SPSB4: variants seen among roughly 807,000 people sequenced by gnomAD.
SPSB4 encodes the protein splA/ryanodine receptor domain and SOCS box containing 4.
A neutral mutation model predicts 20.9 loss-of-function variants in SPSB4; 21 were observed. The ratio of observed to expected loss-of-function variants is 1.01; its 90% confidence interval spans 0.71 to 1.45. The LOEUF (loss-of-function observed/expected upper bound fraction) is 1.45, where lower values mean the gene tolerates loss of function less well. Among genes scored for constraint, SPSB4 ranks in the 40% most tolerant of loss-of-function variants. The pLI, the probability that SPSB4 is intolerant of heterozygous loss-of-function variation, is 0.00. For synonymous variants in SPSB4, 207 were observed against 183.8 expected, an observed-to-expected ratio of 1.13 and a Z score of -1.02; for missense variants, 399 against 399.2, an observed-to-expected ratio of 1.00 and a Z score of 0.00.
intron 2 of SPSB4, among the ~76,000 whole-genome samples, chr3:141,079,809 A>G (rs1475469011): frequency 2.0e-5 from 3 of 152,214 alleles, no homozygotes; most frequent in Non-Finnish European, 4.4e-5. Context: ...GGGGAGGGGC[A>G]TTTAAGTGAG....
intron 2 of SPSB4, among the ~76,000 whole-genome samples, chr3:141,077,942 G>A (rs573871667): frequency 5.9e-5 from 9 of 152,336 alleles, no homozygotes; most frequent in South Asian, 2.1e-4. Context: ...TCAACTGCAC[G>A]TCTGCCATGG....
intron 2 of SPSB4, among the ~76,000 whole-genome samples, chr3:141,091,705 A>C (rs1938451999): frequency 6.6e-6 from 1 of 152,176 alleles, no homozygotes; most frequent in Non-Finnish European, 1.5e-5. Context: ...GACTTAATTA[A>C]AGTAGTGCAG....
chr3:141,077,274 C>T (rs566032349), intron 2 of SPSB4: 1 of 152,344 alleles, frequency 6.6e-6, no homozygotes, highest in Non-Finnish European at 1.5e-5. Context: ...TGCAGGCTCT[C>T]CCCGGTTCTT....
intron 2 of SPSB4, among the ~76,000 whole-genome samples, chr3:141,100,858 T>C (rs1576531046): frequency 6.6e-6 from 1 of 151,710 alleles, no homozygotes. Context: ...GAAGGGAGGG[T>C]GCCCTGGTAC....
At chr3:141,106,382 T>C (rs533250661) in intron 2 of SPSB4, among the ~76,000 whole-genome samples, 20 of 152,294 alleles carry the variant, frequency 1.3e-4, no homozygotes, top group South Asian at 1.0e-3. Flanking sequence ...TATCCCATTA[T>C]GGCTTTTCAC....
chr3:141,090,121 G>A (rs1003896225), intron 2 of SPSB4, among the ~76,000 whole-genome samples: 2 of 152,050 alleles, frequency 1.3e-5, no homozygotes, highest in African/African-American at 4.8e-5. Context: ...CCCAGTTTGG[G>A]AATGTATTAA....
intron 2 of SPSB4, among the ~76,000 whole-genome samples, chr3:141,141,052 C>G (rs192311196): frequency 0.011 from 1,630 of 152,354 alleles, 34 homozygotes; most frequent in African/African-American, 0.037. Flanking sequence ...CCCCCAGCCT[C>G]GCTGCCGCCT....
At chr3:141,065,930 C>T (rs1447444605) in intron 1 of SPSB4, 22 bp from the exon 2 acceptor site, 8 of 561,328 alleles carry the variant, frequency 1.4e-5, no homozygotes, top group South Asian at 6.9e-5. Flanking sequence ...TGCTATAACC[C>T]GTGCCCTTTG....
At chr3:141,131,805 A>G (rs1939135351) in intron 2 of SPSB4, among the ~76,000 whole-genome samples, 1 of 152,172 alleles carries the variant, frequency 6.6e-6, no homozygotes, top group African/African-American at 2.4e-5. Context: ...GTGAATGAAC[A>G]TTTTGGTGAA....
At chr3:141,137,495 T>G (rs556471387) in intron 2 of SPSB4, among the ~76,000 whole-genome samples, 21 of 152,350 alleles carry the variant, frequency 1.4e-4, no homozygotes, top group African/African-American at 4.8e-4. Context: ...TCTCATTATT[T>G]AGAGATATGT....
chr3:141,130,956 A>G (rs568397529), intron 2 of SPSB4, among the ~76,000 whole-genome samples: 48 of 152,324 alleles, frequency 3.2e-4, no homozygotes, highest in African/African-American at 1.2e-3. Context: ...GCTCCAGGAA[A>G]TCTTCATCAA....
chr3:141,077,738 G>A (rs75223990), intron 2 of SPSB4, among the ~76,000 whole-genome samples: 2,955 of 152,290 alleles, frequency 0.019, 86 homozygotes, highest in African/African-American at 0.063. Flanking sequence ...CACAACTGAG[G>A]GCCACTCACA....
At chr3:141,123,443 A>T (rs76455341) in intron 2 of SPSB4, among the ~76,000 whole-genome samples, 2 of 152,282 alleles carry the variant, frequency 1.3e-5, no homozygotes, top group East Asian at 3.9e-4. Context: ...GCCTTGTTTC[A>T]TTTTAGTTGT....
chr3:141,141,208 G>A (rs182983857), intron 2 of SPSB4, among the ~76,000 whole-genome samples: 10 of 152,304 alleles, frequency 6.6e-5, no homozygotes, highest in African/African-American at 1.4e-4. Flanking sequence ...GGAGTGACCC[G>A]ATTTTCCAGG....
intron 2 of SPSB4, among the ~76,000 whole-genome samples, chr3:141,129,292 C>G (rs1939098513): frequency 6.6e-6 from 1 of 152,212 alleles, no homozygotes; most frequent in Non-Finnish European, 1.5e-5. Context: ...CTGCCCTGCT[C>G]AAACAGAGCT....
chr3:141,066,333 C>A lies in SPSB4; in HGVS notation c.229C>A (p.Arg77=), dbSNP rs890529. ...GGACGACGACCGGCTCACCTTCCAC[C>A]GGCACCCCGTGGCCCAGAGCACCGA... The part of the protein sequence containing the change: ...VKDDDRLTFH[R]HPVAQSTDGI... The change falls in exon 2 of 3, where the codon CGG becomes AGG. Residue 77 remains arginine (R), a synonymous_variant. Coordinates refer to ENST00000310546, the MANE Select transcript of SPSB4 (RefSeq NM_080862.3). 0.26 allele frequency: 402,548 copies of A among 1,565,476 alleles called. 60,062 individuals are homozygous for A. The highest frequency in any genetic ancestry group is 0.65 in the African/African-American group (47,986 of 73,364).
chr3:141,061,924 A>G (rs1034135929), intron 1 of SPSB4, among the ~76,000 whole-genome samples: 3 of 152,052 alleles, frequency 2.0e-5, no homozygotes, highest in African/African-American at 4.8e-5. Flanking sequence ...TAGTAGAGAC[A>G]GCATTTCACC....
rs1936119612 is a variant in SPSB4, at chr3:141,052,855, G to T, written c.-154+863G>T. On this transcript the variant is annotated intron_variant, in intron 1 of 2. Coordinates refer to ENST00000310546, the MANE Select transcript of SPSB4 (RefSeq NM_080862.3). ...CCTGGTCGCTCTGTACGCGCCAGGG[G>T]CTCCAAGCCAGAAGGGGACGCCGAG... Among the ~76,000 whole-genome samples, 5 of 152,224 alleles carry T rather than the reference G, an allele frequency of 3.3e-5. No homozygotes were observed. In the South Asian group the frequency reaches 1.0e-3, roughly 31 times the overall value.
At chr3:141,098,056 T>C (rs990429298) in intron 2 of SPSB4, among the ~76,000 whole-genome samples, 1 of 152,218 alleles carries the variant, frequency 6.6e-6, no homozygotes, top group Non-Finnish European at 1.5e-5. Context: ...ATCCATGCCC[T>C]TTCTTCTTCA....
Sources: gnomAD v4.1 joint callset for allele counts (sites outside exome capture counted in the v4.1 genomes callset) on GRCh38, gnomAD v4.1.1 for gene constraint, MANE v1.5 for transcripts, NCBI Gene and HGNC (gene_info 2026-07-23, HGNC 2026-07-21) for gene names.